Variants in ZNF620 observed in about 807,000 individuals in gnomAD.
The protein encoded by ZNF620 is zinc finger protein 620.
A neutral mutation model predicts 13.3 loss-of-function variants in ZNF620; 10 were observed. The ratio of observed to expected loss-of-function variants is 0.75; its 90% CI spans 0.46 to 1.28. The LOEUF is 1.28. ZNF620 is among the 50% of genes most tolerant of loss of function. The pLI is 0.00. For missense variants in ZNF620, 461 were observed against 500.2 expected (o/e 0.92, Z 0.75); for synonymous variants, 166 against 177.6 (o/e 0.93, Z 0.52).
intron 4 of ZNF620, among the ~76,000 whole-genome samples, chr3:40,513,316 A>AAAAAAAATATAT (rs1193351404): frequency 3.2e-5 from 2 of 62,682 alleles, no homozygotes; most frequent in African/African-American, 1.7e-4. Context: ...AAAAAAAAAA[A>AAAAAAAATATAT]ATATATATAT....
rs934871247 is a variant in ZNF620, at chr3:40,517,046, A to C, written c.*183A>C. The C allele has an allele frequency of 5.6e-6, 3 of 531,092 alleles. No individual in the cohort carries two copies. Among genetic ancestry groups the C allele is most frequent in the Non-Finnish European group, 9.3e-6 (3 of 321,552 alleles). The allele number at this position is 531,092 out of a possible 1,614,324, so 32.9% of individuals were successfully genotyped here. A position where few individuals can be genotyped will look rare whatever the true frequency, so the allele number is the denominator to read the frequency against. On this transcript the variant is annotated 3_prime_UTR_variant, in exon 5 of 5. Transcript: ENST00000314529. The stretch of plus-strand genomic sequence containing the variant: ...TTATGGTTAGAGAAGACCAAAAAAC[A>C]AACAAACAAACTTAGAAACATAAAA...
At chr3:40,512,042 G>T (rs935913689) in intron 3 of ZNF620, among the ~76,000 whole-genome samples, 2 of 152,192 alleles carry the variant, frequency 1.3e-5, no homozygotes, top group Non-Finnish European at 2.9e-5. Flanking sequence ...CTGCCTGGAA[G>T]TTTCTGGGTG....
At chr3:40,510,304 T>C (rs1051164228) in intron 2 of ZNF620, among the ~76,000 whole-genome samples, 3 of 152,158 alleles carry the variant, frequency 2.0e-5, no homozygotes, top group Non-Finnish European at 2.9e-5. Context: ...TAATCTGTAA[T>C]CCCTGCATTT....
At chr3:40,506,192 C>T (rs528557669) in intron 1 of ZNF620, 54 bp downstream of exon 1, 1 of 892,876 alleles carries the variant, frequency 1.1e-6, no homozygotes, top group East Asian at 2.6e-5. Context: ...AACCCCTTTG[C>T]TTTTTGGGGT....
rs1698199241 is a variant in ZNF620 at position 40,511,569 on chromosome 3, G to C, written c.124G>C (p.Glu42Gln). ...QRALYREVML[E>Q]NYANVASLAF... ...GGCCCTGTACAGGGAAGTGATGCTG[G>C]AGAATTATGCAAATGTGGCTTCCCT... The change falls in exon 3 of 5, where the codon GAG (glutamate) becomes CAG (glutamine). Residue 42 changes from glutamate to glutamine, a missense_variant. Physicochemically the swap from Glu to Gln is conservative, Grantham distance 29. Coordinates refer to ENST00000314529, the MANE Select transcript of ZNF620 (RefSeq NM_175888.4). The C allele has an allele frequency of 1.9e-6, 3 of 1,613,258 alleles. No homozygotes were observed. Among genetic ancestry groups the C allele is most frequent in the Non-Finnish European group, 2.5e-6 (3 of 1,179,686 alleles).
rs1479957463 is a variant in ZNF620 at position 40,506,245 on chromosome 3, G to A, written c.-49-59G>A. On this transcript the variant is annotated intron_variant, in intron 1 of 4. Transcript: ENST00000314529. ...GAGAGGGGCCCAAGTAGCACAGAGGGCATTTGCGGGGTGCGAGGCAGCATC... is the reference window on the plus strand; with the variant it reads ...GAGAGGGGCCCAAGTAGCACAGAGGACATTTGCGGGGTGCGAGGCAGCATC... The A allele has an allele frequency of 8.0e-5, 114 of 1,418,662 alleles. 1 individual carries two copies. In the East Asian group the frequency reaches 2.5e-3, roughly 31 times the overall value. The allele number at this position is 1,418,662 out of a possible 1,614,324, so 87.9% of individuals were successfully genotyped here. A position where few individuals can be genotyped will look rare whatever the true frequency, so the allele number is the denominator to read the frequency against.
At chr3:40,507,483 T>C (rs1235991761) in intron 2 of ZNF620, among the ~76,000 whole-genome samples, 1 of 152,220 alleles carries the variant, frequency 6.6e-6, no homozygotes, top group Admixed American at 6.5e-5. Flanking sequence ...TGGTGTATTA[T>C]TATTTTATTA....
Position 40,512,510 on chromosome 3 carries a change from G to C in ZNF620, c.260G>C (p.Cys87Ser). The C allele has an allele frequency of 6.3e-7, 1 of 1,598,770 alleles. No individual in the cohort carries two copies. Among genetic ancestry groups the C allele is most frequent in the Non-Finnish European group, 8.5e-7 (1 of 1,175,040 alleles). ...PMGREALRGI[C>S]PGDEARTEKE... Reference sequence around the variant, plus strand: ...GGCAGGGAGGCTCTCAGAGGTATCTGTCCAGGTGAGCATGAGAACCCACTA... The same window carrying C: ...GGCAGGGAGGCTCTCAGAGGTATCTCTCCAGGTGAGCATGAGAACCCACTA... Residue 87 changes from cysteine (C) to serine (S), a missense_variant, in exon 4 of 5, where the codon TGT (cysteine) becomes TCT (serine). Transcript: ENST00000314529.
intron 2 of ZNF620, among the ~76,000 whole-genome samples, chr3:40,511,097 G>A (rs1698183441): frequency 2.0e-5 from 3 of 152,130 alleles, no homozygotes; most frequent in Admixed American, 2.0e-4. Context: ...ATGGGGTTAG[G>A]GAGAGAGTGA....
At chr3:40,510,274 A>G (rs1050372792) in intron 2 of ZNF620, among the ~76,000 whole-genome samples, 1 of 152,150 alleles carries the variant, frequency 6.6e-6, no homozygotes, top group African/African-American at 2.4e-5. Context: ...TGGCCTCCCA[A>G]GGGGCTGGGA....
chr3:40,512,374 C>T (rs1401128356), intron 3 of ZNF620, 28 bp from the exon 4 acceptor site: 8 of 1,601,000 alleles, frequency 5.0e-6, no homozygotes, highest in Non-Finnish European at 6.0e-6. Flanking sequence ...TTCCCCTTAC[C>T]TTTTCCTGTT....
At chr3:40,512,127 G>A (rs575605358) in intron 3 of ZNF620, among the ~76,000 whole-genome samples, 1 of 152,162 alleles carries the variant, frequency 6.6e-6, no homozygotes. Flanking sequence ...CCAAAACATG[G>A]GGGGGAAAGG....
At position 40,516,926 on chromosome 3, in the gene ZNF620, C is replaced by T. The variant is rs2125666285; in HGVS notation, c.*63C>T. ...TTCTCTTTATTTTCATGCTTTTTAT[C>T]AGTGTCCTCGCTGTCCTTCCTGGTT... On this transcript the variant is annotated 3_prime_UTR_variant, in exon 5 of 5. Coordinates refer to ENST00000314529, the MANE Select transcript of ZNF620 (RefSeq NM_175888.4). 5.3e-6 allele frequency: 8 copies of T among 1,505,516 alleles called. No individual in the cohort carries two copies. In the South Asian group the frequency reaches 1.1e-4, roughly 21 times the overall value. 93.3% of individuals were successfully genotyped at this position (1,505,516 alleles called of 1,614,324 possible). A position where few individuals can be genotyped will look rare whatever the true frequency, so the allele number is the denominator to read the frequency against.
chr3:40,514,363 C>G (rs1439966979), intron 4 of ZNF620, among the ~76,000 whole-genome samples: 2 of 152,192 alleles, frequency 1.3e-5, no homozygotes, highest in African/African-American at 4.8e-5. Flanking sequence ...ACTCCATACC[C>G]TGCCCCTTTG....
At chr3:40,508,554 T>C (rs1323802052) in intron 2 of ZNF620, 1 of 247,436 alleles carries the variant, frequency 4.0e-6, no homozygotes, top group East Asian at 1.2e-4. Context: ...TTTGATTTTA[T>C]TGAGCTTTCT....
intron 4 of ZNF620, among the ~76,000 whole-genome samples, chr3:40,513,316 A>AAAAAATATAT (rs1193351404): frequency 1.9e-4 from 12 of 62,670 alleles, no homozygotes; most frequent in African/African-American, 6.0e-4. Context: ...AAAAAAAAAA[A>AAAAAATATAT]ATATATATAT....
rs1559552344 is a variant in ZNF620, at chr3:40,516,160, A to C, written c.566A>C (p.Asn189Thr). 1.2e-6 allele frequency: 2 copies of C among 1,613,976 alleles called. No homozygotes were observed. The highest frequency in any genetic ancestry group is 2.7e-5 in the African/African-American group (2 of 74,930). Residue 189 changes from asparagine to threonine, a missense_variant, in exon 5 of 5, where the codon AAT (asparagine) becomes ACT (threonine). Coordinates refer to ENST00000314529, the MANE Select transcript of ZNF620 (RefSeq NM_175888.4). ...VSTQLTTNQT[N>T]PSGQISYECG... ...ACACAACTCACTACAAATCAGACAA[A>C]TCCTAGTGGTCAGATATCTTATGAA...
chr3:40,511,688 CTTTTTTT>C, intron 3 of ZNF620, 92 bp downstream of exon 3: 1 of 1,346,282 alleles, frequency 7.4e-7, no homozygotes, highest in Non-Finnish European at 9.9e-7. Flanking sequence ...TTCTTTTTTT[CTTTTTTT>C]TTTGAGACAA....
chr3:40,513,316 A>AAAAAACATAT (rs1193351404), intron 4 of ZNF620, among the ~76,000 whole-genome samples: 4 of 62,684 alleles, frequency 6.4e-5, no homozygotes, highest in African/African-American at 1.7e-4. Flanking sequence ...AAAAAAAAAA[A>AAAAAACATAT]ATATATATAT....
Sources: gnomAD v4.1 joint callset for allele counts (sites outside exome capture counted in the v4.1 genomes callset) on GRCh38, gnomAD v4.1.1 for gene constraint, MANE v1.5 for transcripts, NCBI Gene and HGNC (gene_info 2026-07-23, HGNC 2026-07-21) for gene names.